DIDO1: variants seen among roughly 807,000 people sequenced by gnomAD.
The protein encoded by DIDO1 is death-inducer obliterator 1.
DIDO1 carries 16 observed loss-of-function variants against 99.4 expected under a neutral mutation model. The ratio of observed to expected loss-of-function variants is 0.16; its 90% CI spans 0.11 to 0.24. The LOEUF is 0.24. Ranked by LOEUF, DIDO1 falls within the 10% of genes least tolerant of loss-of-function variation. The pLI, the probability that DIDO1 is intolerant of heterozygous loss-of-function variation, is 1.00. For missense variants in DIDO1, 2,996 were observed against 3,014.0 expected (o/e 0.99, Z 0.14); for synonymous variants, 1,366 against 1,239.1 (o/e 1.10, Z -2.15).
At chr20:62,921,632 AT>A (rs34536561) in intron 1 of DIDO1, among the ~76,000 whole-genome samples, 66,554 of 133,582 alleles carry the variant, frequency 0.5, 16,153 homozygotes, top group African/African-American at 0.63. Flanking sequence ...GCTGCAGCCA[AT>A]TTTTTTTTTT....
chr20:62,885,244 C>CG (rs1377048197), intron 15 of DIDO1, among the ~76,000 whole-genome samples: 1 of 152,062 alleles, frequency 6.6e-6, no homozygotes, highest in Non-Finnish European at 1.5e-5. Flanking sequence ...GGCTAGGCCT[C>CG]GGGAAGGACC....
At chr20:62,900,524 A>C (rs1338291712) in intron 6 of DIDO1, among the ~76,000 whole-genome samples, 1 of 152,182 alleles carries the variant, frequency 6.6e-6, no homozygotes, top group Non-Finnish European at 1.5e-5. Context: ...AACCCATCCA[A>C]TTGCCCCAGT....
intron 3 of DIDO1, 52 bp downstream of exon 3, chr20:62,910,722 A>C: frequency 3.8e-6 from 6 of 1,561,232 alleles, no homozygotes; most frequent in Non-Finnish European, 5.2e-6. Context: ...AAACAAATGG[A>C]AAATTCTGTT....
In DIDO1 at chr20:62,907,308, C is replaced by G. The variant is rs1477657750; in HGVS notation, c.1213G>C (p.Val405Leu). The G allele has an allele frequency of 1.2e-6, 2 of 1,614,106 alleles. No homozygotes were observed. Among genetic ancestry groups the G allele is most frequent in the South Asian group, 2.2e-5 (2 of 91,090 alleles). The change falls in exon 5 of 16, where the codon GTG becomes CTG. Residue 405 changes from valine (V) to leucine (L), a missense_variant. Val to Leu is a conservative substitution (Grantham distance 32, BLOSUM62 1). This residue lies in a region of DIDO1 where 898 missense variants were observed against 972.7 expected (regional missense o/e 0.92). Coordinates refer to ENST00000395343, the MANE Select transcript of DIDO1 (RefSeq NM_001193369.2). Reference protein sequence around the residue: ...SKCIGPGCCHVAQPDSVYCSN... With the variant: ...SKCIGPGCCHLAQPDSVYCSN... ...CAGTACACCGAGTCGGGCTGCGCCACGTGACAGCACCCGGGGCCAATACAT... is the reference window on the plus strand; with the variant it reads ...CAGTACACCGAGTCGGGCTGCGCCAGGTGACAGCACCCGGGGCCAATACAT...
In DIDO1 at chr20:62,907,390, T is replaced by C. The variant is rs200911906; in HGVS notation, c.1162-31A>G. 6.9e-6 allele frequency: 11 copies of C among 1,601,822 alleles called. No individual in the cohort carries two copies. The African/African-American group carries it at 9.4e-5, about 14-fold the overall frequency. ...GAACAAAACAGATGACTTCAAACAA[T>C]GTACTTGCCAATTTTAAGCAGTTAA... On this transcript the variant is annotated intron_variant, in intron 4 of 15. Coordinates refer to ENST00000395343, the MANE Select transcript of DIDO1 (RefSeq NM_001193369.2).
intron 1 of DIDO1, among the ~76,000 whole-genome samples, chr20:62,915,306 C>CA: frequency 6.6e-6 from 1 of 151,926 alleles, no homozygotes; most frequent in East Asian, 1.9e-4. Context: ...CCCGTCTCTA[C>CA]AAAAAATAAA....
At chr20:62,910,263 A>G (rs1182144619) in intron 3 of DIDO1, among the ~76,000 whole-genome samples, 2 of 152,150 alleles carry the variant, frequency 1.3e-5, no homozygotes, top group Admixed American at 6.6e-5. Context: ...TACCTCAGCA[A>G]GTCTCCCCCC....
intron 1 of DIDO1, among the ~76,000 whole-genome samples, chr20:62,922,946 C>G (rs1321824831): frequency 6.6e-6 from 1 of 152,036 alleles, no homozygotes; most frequent in East Asian, 1.9e-4. Flanking sequence ...ACAAACTGAA[C>G]ACAAACTAAC....
intron 1 of DIDO1, among the ~76,000 whole-genome samples, chr20:62,935,975 G>A (rs1327350496): frequency 6.6e-6 from 1 of 152,230 alleles, no homozygotes; most frequent in Non-Finnish European, 1.5e-5. Context: ...CTTGGTAACC[G>A]GTTGGCTGTT....
chr20:62,905,771 G>A (rs1156719600), intron 6 of DIDO1, 116 bp downstream of exon 6: 1 of 1,609,696 alleles, frequency 6.2e-7, no homozygotes, highest in East Asian at 2.2e-5. Context: ...GGTGCAGCCG[G>A]TGTCTGTGAT....
At chr20:62,916,805 AC>A (rs1361651174) in intron 1 of DIDO1, among the ~76,000 whole-genome samples, 1 of 152,222 alleles carries the variant, frequency 6.6e-6, no homozygotes, top group Non-Finnish European at 1.5e-5. Flanking sequence ...CTGATACTAC[AC>A]CAACTCTCGC....
At chr20:62,925,545 A>C (rs2065235608) in intron 1 of DIDO1, among the ~76,000 whole-genome samples, 1 of 152,222 alleles carries the variant, frequency 6.6e-6, no homozygotes, top group South Asian at 2.1e-4. Flanking sequence ...CCCAGGCACA[A>C]GTTAAAGAGT....
At chr20:62,923,543 G>A (rs1368248829) in intron 1 of DIDO1, among the ~76,000 whole-genome samples, 3 of 152,192 alleles carry the variant, frequency 2.0e-5, no homozygotes, top group African/African-American at 7.2e-5. Flanking sequence ...ACCTGAGTGA[G>A]AGCCGCAGAC....
At position 62,881,438 on chromosome 20, in the gene DIDO1, G is replaced by A. The variant is rs749677016; in HGVS notation, c.4518C>T (p.Ala1506=). ...QEEALRQQRA[A]VGVSMAHFSV... is the part of the protein sequence containing the mutation. Reference sequence around the variant, plus strand: ...AGAAGTGGGCCATGGAGACCCCGACGGCGGCCCTCTGCTGCCTGAGAGCTT... The same window carrying A: ...AGAAGTGGGCCATGGAGACCCCGACAGCGGCCCTCTGCTGCCTGAGAGCTT... The change falls in exon 16 of 16, where the codon GCC becomes GCT. Residue 1506 remains alanine, a synonymous_variant. Transcript: ENST00000395343. The surrounding 1 kb of genome is among the most constrained non-coding windows in gnomAD (Gnocchi z 8.3). The A allele has an allele frequency of 6.2e-6, 10 of 1,608,876 alleles. No individual in the cohort carries two copies. Among genetic ancestry groups the A allele is most frequent in the Admixed American group, 3.3e-5 (2 of 59,988 alleles).
rs757076633 is a variant in DIDO1, at chr20:62,892,976, C to T, written c.3102-14G>A. The T allele has an allele frequency of 6.3e-7, 1 of 1,586,612 alleles. No individual in the cohort carries two copies. Among genetic ancestry groups the T allele is most frequent in the Non-Finnish European group, 8.6e-7 (1 of 1,166,240 alleles). ...GATTCTGAAGTGCTGTAAAACAAAA[C>T]CATAAAAAAAAAGTCAATGTCTCTC... On this transcript the variant is annotated splice_polypyrimidine_tract_variant and intron_variant, in intron 12 of 15. Transcript: ENST00000395343.
chr20:62,890,762 T>C (rs754044081), intron 15 of DIDO1, 198 bp downstream of exon 15: 14 of 1,432,764 alleles, frequency 9.8e-6, no homozygotes, highest in Non-Finnish European at 1.3e-5. Context: ...AGACAATTTA[T>C]GCTGTGAATC....
In DIDO1 at chr20:62,894,257, A is replaced by G. The variant is rs2064465975; in HGVS notation, c.2573-63T>C. On this transcript the variant is annotated intron_variant, in intron 11 of 15. Coordinates refer to ENST00000395343, the MANE Select transcript of DIDO1 (RefSeq NM_001193369.2). This position sits in a 1 kb window ranked among gnomAD's most constrained non-coding sequence, Gnocchi z 4.4. ...CCGGCACACTGGTGTTTCTCACACA[A>G]AGCCGAAAGCAATACTCTAAAGGCA... 1.3e-6 allele frequency: 2 copies of G among 1,583,550 alleles called. No individual in the cohort carries two copies. Among genetic ancestry groups the G allele is most frequent in the Non-Finnish European group, 1.7e-6 (2 of 1,163,106 alleles).
intron 1 of DIDO1, 150 bp from the exon 2 acceptor site, chr20:62,914,556 G>T (rs373389912): frequency 2.0e-5 from 3 of 152,200 alleles, no homozygotes; most frequent in Admixed American, 6.5e-5. Context: ...AAACCAGCAC[G>T]CAAGCAGTGT....
upstream of DIDO1, among the ~76,000 whole-genome samples, chr20:62,929,693 G>GCATATATATATATATATATATATA (rs1555853760): frequency 2.0e-5 from 2 of 97,966 alleles, no homozygotes; most frequent in African/African-American, 1.1e-4. Flanking sequence ...AAAAGAAAAA[G>GCATATATATATATATATATATATA]TGTATATATA....
Sources: allele counts gnomAD v4.1 joint callset (sites outside exome capture counted in the v4.1 genomes callset), GRCh38; gene constraint gnomAD v4.1.1; regional missense constraint gnomAD v4.1.1; non-coding constraint Gnocchi (gnomAD v3.1); transcripts MANE v1.5; gene names NCBI Gene and HGNC (gene_info 2026-07-23, HGNC 2026-07-21).